Variants in TJP2 observed in about 807,000 individuals in gnomAD.
TJP2 encodes Friedreich ataxia region gene X104 (tight junction protein ZO-2).
A neutral mutation model predicts 133.1 loss-of-function variants in TJP2; 91 were observed. That is an observed-to-expected ratio of 0.68 (90% confidence interval 0.58 to 0.81). TJP2 has a LOEUF of 0.81. TJP2 is among the 40% of genes least tolerant of loss of function. The pLI, the probability that TJP2 is intolerant of heterozygous loss-of-function variation, is 0.00. For missense variants in TJP2, 1,541 were observed against 1,565.6 expected (o/e 0.98, Z 0.26); for synonymous variants, 592 against 583.4 (o/e 1.01, Z -0.21).
intron 1 of TJP2, among the ~76,000 whole-genome samples, chr9:69,197,878 C>G (rs1315752700): frequency 6.6e-6 from 1 of 152,140 alleles, no homozygotes; most frequent in Non-Finnish European, 1.5e-5. Flanking sequence ...TTGTCTACCT[C>G]CCACTGGAAG....
intron 2 of TJP2, among the ~76,000 whole-genome samples, chr9:69,160,426 C>T (rs1824007372): frequency 6.6e-6 from 1 of 152,080 alleles, no homozygotes; most frequent in Non-Finnish European, 1.5e-5. Context: ...GTACCTTCTA[C>T]AAACCTGATT....
chr9:69,248,473 G>T, intron 19 of TJP2: 1 of 1,334,352 alleles, frequency 7.5e-7, no homozygotes, highest in South Asian at 2.7e-5. Context: ...CAGGTGCGAT[G>T]GATAAACAGA....
upstream of TJP2, among the ~76,000 whole-genome samples, chr9:69,172,836 G>C (rs1466000984): frequency 6.6e-6 from 1 of 152,118 alleles, no homozygotes; most frequent in Admixed American, 6.5e-5. Flanking sequence ...CCTTCCCAAA[G>C]TGCTGGGATT....
chr9:69,171,219 T>A (rs1370314267), upstream of TJP2, among the ~76,000 whole-genome samples: 1 of 152,174 alleles, frequency 6.6e-6, no homozygotes, highest in African/African-American at 2.4e-5. Context: ...TCTCCCCATA[T>A]CTAGTCAGGC....
chr9:69,193,155 A>G (rs1444643147), intron 1 of TJP2, among the ~76,000 whole-genome samples: 2 of 152,022 alleles, frequency 1.3e-5, no homozygotes, highest in South Asian at 2.1e-4. Flanking sequence ...AGCTCAGACG[A>G]TTCACCCACC....
intron 2 of TJP2, among the ~76,000 whole-genome samples, chr9:69,165,462 C>T (rs1159924593): frequency 2.6e-5 from 4 of 152,128 alleles, no homozygotes; most frequent in East Asian, 1.9e-4. Context: ...TGCTTGAGGA[C>T]AACCATGGGC....
chr9:69,162,325 T>C (rs1370970454), intron 2 of TJP2, among the ~76,000 whole-genome samples: 1 of 151,956 alleles, frequency 6.6e-6, no homozygotes, highest in African/African-American at 2.4e-5. Flanking sequence ...ATTTGTTTCA[T>C]TCTTTTAATC....
upstream of TJP2, chr9:69,173,957 G>A: frequency 2.0e-6 from 2 of 985,292 alleles, no homozygotes; most frequent in Non-Finnish European, 2.4e-6. Context: ...GGGCTGGCGG[G>A]GGTGGAGGGG....
intron 1 of TJP2, 73 bp downstream of exon 1, chr9:69,174,505 C>A: frequency 6.9e-7 from 1 of 1,452,910 alleles, no homozygotes; most frequent in Non-Finnish European, 9.4e-7. Context: ...GGGGGCTCTG[C>A]TCGCGTGCTG....
intron 17 of TJP2, chr9:69,246,480 C>A: frequency 3.6e-6 from 2 of 562,104 alleles, no homozygotes; most frequent in Admixed American, 2.9e-5. Flanking sequence ...TTATCACATC[C>A]ACCTATAATG....
At chr9:69,198,254 G>T (rs1214685363) in intron 1 of TJP2, among the ~76,000 whole-genome samples, 1 of 146,186 alleles carries the variant, frequency 6.8e-6, no homozygotes, top group Admixed American at 7.2e-5. Flanking sequence ...CGATTCTCTT[G>T]CCTCAGCCTC....
intron 1 of TJP2, among the ~76,000 whole-genome samples, chr9:69,177,615 G>T (rs972563910): frequency 3.9e-5 from 6 of 151,968 alleles, no homozygotes; most frequent in Non-Finnish European, 7.4e-5. Context: ...ATGCAGTATT[G>T]CAGTAGCTAG....
At chr9:69,137,847 A>G (rs762388000) in intron 1 of TJP2, among the ~76,000 whole-genome samples, 4 of 151,864 alleles carry the variant, frequency 2.6e-5, no homozygotes, top group Admixed American at 6.6e-5. Context: ...AGCAGGCTCC[A>G]TTTCTTTCTC....
chr9:69,212,457 C>T (rs1371526951), intron 1 of TJP2, 91 bp from the exon 2 acceptor site: 3 of 986,298 alleles, frequency 3.0e-6, no homozygotes, highest in East Asian at 4.8e-5. Context: ...GTGAGCTGGA[C>T]TTTATGTCGA....
At chr9:69,184,767 T>G (rs1364499846) in intron 1 of TJP2, among the ~76,000 whole-genome samples, 3 of 150,676 alleles carry the variant, frequency 2.0e-5, no homozygotes, top group Non-Finnish European at 4.4e-5. Context: ...TTTTTTTTTT[T>G]TTTGAGACGG....
At chr9:69,222,482 G>T (rs1331983245) in intron 5 of TJP2, among the ~76,000 whole-genome samples, 1 of 152,080 alleles carries the variant, frequency 6.6e-6, no homozygotes, top group Non-Finnish European at 1.5e-5. Flanking sequence ...TCTCTTAATT[G>T]CACTTAACCA....
At chr9:69,216,538 T>A (rs1828393741) in intron 3 of TJP2, 75 bp downstream of exon 3, 3 of 1,506,472 alleles carry the variant, frequency 2.0e-6, no homozygotes, top group Admixed American at 4.2e-5. Context: ...TTGGTTGGTG[T>A]CCACTTTATT....
intron 13 of TJP2, 60 bp downstream of exon 13, chr9:69,236,298 G>A: frequency 6.4e-7 from 1 of 1,558,984 alleles, no homozygotes; most frequent in South Asian, 1.1e-5. Context: ...GAAAACTAGA[G>A]ACCGCCCCCC....
Position 69,254,486 on chromosome 9 carries a change from G to T in TJP2, c.*112G>T. On this transcript the variant is annotated 3_prime_UTR_variant, in exon 23 of 23. Transcript: ENST00000377245. ...TTAGAATGCACCATGGAGACGTGGTGGGACTCCAGCTCGTGTGTCCTCATG... is the reference window on the plus strand; with the variant it reads ...TTAGAATGCACCATGGAGACGTGGTTGGACTCCAGCTCGTGTGTCCTCATG... 7.2e-7 allele frequency: 1 copy of T among 1,387,250 alleles called. No individual in the cohort carries two copies. The highest frequency in any genetic ancestry group is 1.0e-6 in the Non-Finnish European group (1 of 994,678). The allele number at this position is 1,387,250 out of a possible 1,614,324, so 85.9% of individuals were successfully genotyped here.
Sources: allele counts gnomAD v4.1 joint callset (sites outside exome capture counted in the v4.1 genomes callset), GRCh38; gene constraint gnomAD v4.1.1; transcripts MANE v1.5; gene names NCBI Gene and HGNC (gene_info 2026-07-23, HGNC 2026-07-21).